The following HTR5A variants were observed in gnomAD, a reference collection of about 807,000 sequenced individuals.
HTR5A encodes the protein 5-HT-5.
HTR5A carries 21 observed loss-of-function variants against 24.3 expected under a neutral mutation model. That is an observed-to-expected ratio of 0.86 (90% CI 0.61 to 1.24). HTR5A has a LOEUF of 1.24. Among genes scored for constraint, HTR5A ranks in the 50% most tolerant of loss-of-function variants. The pLI is 0.00. For synonymous variants in HTR5A, 260 were observed against 213.7 expected, an observed-to-expected ratio of 1.22 and a Z score of -1.89; for missense variants, 497 against 489.5, an observed-to-expected ratio of 1.02 and a Z score of -0.15.
In HTR5A at chr7:155,086,978, G is replaced by C. The variant is rs570529655; in HGVS notation, c.*2491G>C. On this transcript the variant is annotated 3_prime_UTR_variant, in exon 2 of 2. Transcript: ENST00000287907. ...GGTTTCCTGCAAGCCCTCTCTGTAG[G>C]GTGACTGAGGTGAACCAATCCAAAG... is the stretch of plus-strand genomic sequence containing the variant. 6.6e-6 allele frequency among the ~76,000 whole-genome samples: 1 copy of C among 152,058 alleles called. No individual in the cohort carries two copies. The highest frequency in any genetic ancestry group is 1.5e-5 in the Non-Finnish European group (1 of 68,004).
At chr7:155,083,207 A>T (rs2698513) in intron 1 of HTR5A, among the ~76,000 whole-genome samples, 127,785 of 152,172 alleles carry the variant, frequency 0.84, 55,788 homozygotes, top group Non-Finnish European at 0.96. Flanking sequence ...GAACAAACTG[A>T]GTAAATATTT....
In HTR5A at chr7:155,084,712, T is replaced by G; in HGVS notation, c.*225T>G. The G allele has an allele frequency of 1.9e-6, 1 of 516,902 alleles. No homozygotes were observed. Among genetic ancestry groups the G allele is most frequent in the Non-Finnish European group, 3.4e-6 (1 of 294,408 alleles). The allele number at this position is 516,902 out of a possible 1,614,324, so 32.0% of individuals were successfully genotyped here. On this transcript the variant is annotated 3_prime_UTR_variant, in exon 2 of 2. Transcript: ENST00000287907. The stretch of plus-strand genomic sequence containing the variant: ...TGTATCTAACTTATCTACTATCCCT[T>G]TCTCTGTGCTGACAGTCATGGTCTT...
At position 155,084,228 on chromosome 7, in the gene HTR5A, G is replaced by T; in HGVS notation, c.815G>T (p.Gly272Val). The change falls in exon 2 of 2, where the codon GGG becomes GTG. Residue 272 changes from glycine to valine, a missense_variant. Coordinates refer to ENST00000287907, the MANE Select transcript of HTR5A (RefSeq NM_024012.4). ...GCCACCGTCACCTTCCAGCCAGAAGGGGACACGTGGCGGGAGCAGAAGGAG... is the reference window on the plus strand; with the variant it reads ...GCCACCGTCACCTTCCAGCCAGAAGTGGACACGTGGCGGGAGCAGAAGGAG... The part of the protein sequence containing the change: ...RHATVTFQPE[G>V]DTWREQKEQR... 2 of 1,614,138 alleles carry T rather than the reference G, an allele frequency of 1.2e-6. No homozygotes were observed. Among genetic ancestry groups the T allele is most frequent in the Non-Finnish European group, 1.7e-6 (2 of 1,180,016 alleles).
intron 1 of HTR5A, among the ~76,000 whole-genome samples, chr7:155,072,476 G>A (rs1461755880): frequency 2.0e-5 from 3 of 152,158 alleles, no homozygotes; most frequent in South Asian, 2.1e-4. Flanking sequence ...TAGCAACAGC[G>A]AGGGAGCTTT....
At position 155,084,168 on chromosome 7, in the gene HTR5A, C is replaced by T; in HGVS notation, c.755C>T (p.Ala252Val). 1.2e-6 allele frequency: 2 copies of T among 1,604,996 alleles called. No individual in the cohort carries two copies. The highest frequency in any genetic ancestry group is 8.5e-7 in the Non-Finnish European group (1 of 1,175,312). ...ISEAVEVKDS[A>V]KQPQMVFTVR... is the part of the protein sequence containing the mutation. ...TGTCTTTTACAGGTGAAGGACTCTG[C>T]CAAACAGCCCCAGATGGTGTTCACG... Residue 252 changes from alanine to valine, a missense_variant, in exon 2 of 2, where the codon GCC becomes GTC. Ala to Val is a moderately conservative substitution (Grantham distance 64). Transcript: ENST00000287907.
Position 155,084,496 on chromosome 7 carries a change from A to G in HTR5A, c.*9A>G, listed in dbSNP as rs995856401. ...TTTCTAGGCAACACTGAGGGAGAGG[A>G]CCAGGATTGAAAAAAGTTTCTTCCC... On this transcript the variant is annotated 3_prime_UTR_variant, in exon 2 of 2. Coordinates refer to ENST00000287907, the MANE Select transcript of HTR5A (RefSeq NM_024012.4). 2 of 1,586,612 alleles carry G rather than the reference A, an allele frequency of 1.3e-6. No homozygotes were observed. The highest frequency in any genetic ancestry group is 8.6e-7 in the Non-Finnish European group (1 of 1,165,394).
rs1795465868 is a variant in HTR5A, at chr7:155,085,373, A to G, written c.*886A>G. 8.9e-6 allele frequency: 1 copy of G among 112,002 alleles called. No individual in the cohort carries two copies. The highest frequency in any genetic ancestry group is 2.9e-4 in the South Asian group (1 of 3,492). The allele number at this position is 112,002 out of a possible 1,614,324, so 6.9% of individuals were successfully genotyped here. Reference sequence around the variant, plus strand: ...CAAATCATGAGATTAGAGTAAAACAACTGCTGTAAGGTTGAGCATTTCATG... The same window carrying G: ...CAAATCATGAGATTAGAGTAAAACAGCTGCTGTAAGGTTGAGCATTTCATG... On this transcript the variant is annotated 3_prime_UTR_variant, in exon 2 of 2. Transcript: ENST00000287907.
intron 1 of HTR5A, among the ~76,000 whole-genome samples, chr7:155,079,472 T>C (rs550079412): frequency 6.6e-6 from 1 of 152,284 alleles, no homozygotes; most frequent in South Asian, 2.1e-4. Context: ...GAGACTATCT[T>C]AGTTAGGATT....
Position 155,084,404 on chromosome 7 carries a change from T to A in HTR5A, c.991T>A (p.Ser331Thr), listed in dbSNP as rs770437433. Residue 331 changes from serine (S) to threonine (T), a missense_variant, in exon 2 of 2, where the codon TCC (serine) becomes ACC (threonine). Transcript: ENST00000287907. ...SIFLWLGYSN[S>T]FFNPLIYTAF... Reference sequence around the variant, plus strand: ...CTTCCTGTGGCTTGGCTACTCCAACTCCTTCTTTAACCCCCTGATCTATAC... The same window carrying A: ...CTTCCTGTGGCTTGGCTACTCCAACACCTTCTTTAACCCCCTGATCTATAC... 6 of 1,614,052 alleles carry A rather than the reference T, an allele frequency of 3.7e-6. No homozygotes were observed. The Admixed American group carries it at 8.3e-5, about 22-fold the overall frequency.
At chr7:155,076,508 A>G (rs1046588093) in intron 1 of HTR5A, among the ~76,000 whole-genome samples, 1 of 152,198 alleles carries the variant, frequency 6.6e-6, no homozygotes, top group East Asian at 1.9e-4. Context: ...CTTATTATAT[A>G]TCAAACATGG....
At chr7:155,082,535 G>A (rs185296532) in intron 1 of HTR5A, among the ~76,000 whole-genome samples, 35 of 152,326 alleles carry the variant, frequency 2.3e-4, no homozygotes, top group Non-Finnish European at 1.6e-4. Flanking sequence ...CATGTCTCAA[G>A]TATGACCAGT....
Position 155,086,350 on chromosome 7 carries a change from C to T in HTR5A, c.*1863C>T, listed in dbSNP as rs116338254. Among the ~76,000 whole-genome samples the T allele has an allele frequency of 0.013, 2,032 of 152,288 alleles. 43 individuals carry two copies. The highest frequency in any genetic ancestry group is 0.041 in the African/African-American group (1,700 of 41,562). On this transcript the variant is annotated 3_prime_UTR_variant, in exon 2 of 2. Transcript: ENST00000287907. ...ATGTGAAAACTTTTAATCCATAAATCGTGAGTGTCTTACTGTTTAAAAAAG... is the reference window on the plus strand; with the variant it reads ...ATGTGAAAACTTTTAATCCATAAATTGTGAGTGTCTTACTGTTTAAAAAAG...
At chr7:155,082,124 G>T (rs896146093) in intron 1 of HTR5A, among the ~76,000 whole-genome samples, 2 of 143,552 alleles carry the variant, frequency 1.4e-5, no homozygotes, top group African/African-American at 6.0e-5. Flanking sequence ...CATCCCCATT[G>T]TGAACAGCAT....
At chr7:155,080,540 G>A (rs1375785027) in intron 1 of HTR5A, among the ~76,000 whole-genome samples, 1 of 152,180 alleles carries the variant, frequency 6.6e-6, no homozygotes, top group East Asian at 1.9e-4. Flanking sequence ...GACTTCAATG[G>A]AGCCTCCAGA....
At chr7:155,074,354 G>C (rs960385087) in intron 1 of HTR5A, among the ~76,000 whole-genome samples, 37 of 152,168 alleles carry the variant, frequency 2.4e-4, no homozygotes, top group African/African-American at 8.9e-4. Context: ...TTCCTTACTA[G>C]AGTGAGCGGG....
chr7:155,074,151 C>T (rs1795335748), intron 1 of HTR5A, among the ~76,000 whole-genome samples: 1 of 151,824 alleles, frequency 6.6e-6, no homozygotes, highest in Non-Finnish European at 1.5e-5. Context: ...CTAGCTGTTC[C>T]CTGGGGAAAC....
At chr7:155,079,231 G>A (rs1263914267) in intron 1 of HTR5A, among the ~76,000 whole-genome samples, 2 of 152,194 alleles carry the variant, frequency 1.3e-5, no homozygotes, top group East Asian at 1.9e-4. Flanking sequence ...GGGATTACAG[G>A]CATGAGCCCC....
At chr7:155,074,570 G>C (rs1394557035) in intron 1 of HTR5A, 2 of 148,632 alleles carry the variant, frequency 1.3e-5, no homozygotes, top group East Asian at 4.0e-4. Context: ...CTGACTTTCA[G>C]AACTGAGGGG....
At chr7:155,073,183 T>C (rs1795316445) in intron 1 of HTR5A, among the ~76,000 whole-genome samples, 1 of 151,674 alleles carries the variant, frequency 6.6e-6, no homozygotes, top group Admixed American at 6.6e-5. Flanking sequence ...TAGCCAGGCG[T>C]GGTGGCAGGC....
Sources: allele counts gnomAD v4.1 joint callset (sites outside exome capture counted in the v4.1 genomes callset), GRCh38; gene constraint gnomAD v4.1.1; transcripts MANE v1.5; gene names NCBI Gene and HGNC (gene_info 2026-07-23, HGNC 2026-07-21).